The following XIRP2 variants were observed in gnomAD, a reference collection of about 807,000 sequenced individuals.
The protein encoded by XIRP2 is xin actin binding repeat containing 2.
Under a neutral mutation model 277.0 loss-of-function variants are expected in XIRP2, and 236 were observed. That is an observed-to-expected ratio of 0.85 (90% CI 0.77 to 0.95). The LOEUF is 0.95. Among genes scored for constraint, XIRP2 ranks in the 40% least tolerant of loss-of-function variants. The pLI is 0.00. For synonymous variants in XIRP2, 1,490 were observed against 1,416.5 expected (o/e 1.05, Z -1.17); for missense variants, 4,640 against 4,157.5 (o/e 1.12, Z -3.19).
chr2:167,194,502 T>C (rs181450739), intron 3 of XIRP2, among the ~76,000 whole-genome samples: 7 of 152,326 alleles, frequency 4.6e-5, no homozygotes, highest in Admixed American at 4.6e-4. Flanking sequence ...ACATCTGAAC[T>C]ATTTTCTGTA....
At chr2:167,023,854 T>C (rs1011887983) in intron 2 of XIRP2, among the ~76,000 whole-genome samples, 3 of 152,200 alleles carry the variant, frequency 2.0e-5, no homozygotes, top group Non-Finnish European at 2.9e-5. Flanking sequence ...TTTTGGTTAC[T>C]GTAGCCTTGT....
chr2:167,088,727 T>G (rs1389161816), intron 2 of XIRP2, among the ~76,000 whole-genome samples: 1 of 152,190 alleles, frequency 6.6e-6, no homozygotes, highest in African/African-American at 2.4e-5. Flanking sequence ...ACATGCTCCT[T>G]GCTTTCTCAA....
intron 2 of XIRP2, among the ~76,000 whole-genome samples, chr2:167,073,511 G>A (rs1689486759): frequency 6.6e-6 from 1 of 151,890 alleles, no homozygotes; most frequent in Admixed American, 6.6e-5. Context: ...CTTTACTTCA[G>A]CCTTTGTCTT....
chr2:167,045,840 C>T (rs1688773273), intron 2 of XIRP2, among the ~76,000 whole-genome samples: 1 of 152,024 alleles, frequency 6.6e-6, no homozygotes, highest in Admixed American at 6.6e-5. Flanking sequence ...TCTCAAAGAA[C>T]TTTAAACAGA....
rs1695431692 is a variant in XIRP2, at chr2:167,250,126, A to G, written c.8734A>G (p.Asn2912Asp). ...KGIQEKQVFS[N>D]TKDSKQEITQ... ...CATACAAGAGAAACAAGTCTTCTCT[A>G]ATACTAAAGATTCAAAGCAAGAGAT... Residue 2912 changes from asparagine (N) to aspartate (D), a missense_variant, in exon 9 of 11, where the codon AAT becomes GAT. Transcript: ENST00000409195. 4.3e-6 allele frequency: 7 copies of G among 1,613,304 alleles called. No homozygotes were observed. The highest frequency in any genetic ancestry group is 5.9e-6 in the Non-Finnish European group (7 of 1,179,636).
At position 167,246,176 on chromosome 2, in the gene XIRP2, T is replaced by C; in HGVS notation, c.4784T>C (p.Ile1595Thr). 1 of 1,612,300 alleles carries C rather than the reference T, an allele frequency of 6.2e-7. No homozygotes were observed. The highest frequency in any genetic ancestry group is 1.1e-5 in the South Asian group (1 of 90,636). Residue 1595 changes from isoleucine to threonine, a missense_variant, in exon 9 of 11, where the codon ATA becomes ACA. Ile to Thr is a moderately conservative substitution (Grantham distance 89). Transcript: ENST00000409195. ...CTAATGAACCAAGCATCTCCTGAGATACAGAAAGAAGAAATTATCAGGGCT... is the reference window on the plus strand; with the variant it reads ...CTAATGAACCAAGCATCTCCTGAGACACAGAAAGAAGAAATTATCAGGGCT... ...YKLMNQASPE[I>T]QKEEIIRADL... is the part of the protein sequence containing the mutation.
chr2:167,039,906 A>G (rs1368518133), intron 2 of XIRP2, among the ~76,000 whole-genome samples: 1 of 152,208 alleles, frequency 6.6e-6, no homozygotes, highest in African/African-American at 2.4e-5. Flanking sequence ...AATATGAATT[A>G]GAAACTAATG....
At chr2:166,942,345 G>C (rs192230183) in intron 2 of XIRP2, among the ~76,000 whole-genome samples, 7 of 152,256 alleles carry the variant, frequency 4.6e-5, no homozygotes, top group Non-Finnish European at 8.8e-5. Flanking sequence ...TCTTAATTTT[G>C]TGTAGCCCAC....
chr2:167,142,607 G>T (rs1691753483), intron 3 of XIRP2, among the ~76,000 whole-genome samples: 1 of 151,988 alleles, frequency 6.6e-6, no homozygotes, highest in Non-Finnish European at 1.5e-5. Flanking sequence ...CATGGGATTT[G>T]TGTTACCTAA....
At chr2:166,954,406 C>T (rs951584015) in intron 2 of XIRP2, among the ~76,000 whole-genome samples, 1 of 151,764 alleles carries the variant, frequency 6.6e-6, no homozygotes, top group Non-Finnish European at 1.5e-5. Flanking sequence ...ATTATTAAAA[C>T]GTCAAGAAAC....
At chr2:166,906,785 C>G (rs1017708634) in intron 2 of XIRP2, among the ~76,000 whole-genome samples, 3 of 152,016 alleles carry the variant, frequency 2.0e-5, no homozygotes, top group Non-Finnish European at 4.4e-5. Flanking sequence ...ATAGCAAAAC[C>G]CTGTCTCTAC....
chr2:166,996,759 GTTGAGCACCCCTT>G (rs1687232722), intron 2 of XIRP2, among the ~76,000 whole-genome samples: 3 of 152,062 alleles, frequency 2.0e-5, no homozygotes, highest in Non-Finnish European at 4.4e-5. Context: ...GCTGTGCTGG[GTTGAGCACCCCTT>G]CTTACGACCA....
intron 2 of XIRP2, among the ~76,000 whole-genome samples, chr2:166,962,689 C>G (rs913559239): frequency 6.6e-6 from 1 of 151,622 alleles, no homozygotes. Flanking sequence ...TGGAGATAAT[C>G]CAATGTCAGT....
In XIRP2 at chr2:167,210,716, A is replaced by C. The variant is rs961019524; in HGVS notation, c.563-19A>C. ...TAAAGCTTAACACACATGTGTAAGC[A>C]TGCTCTGTTTGCTTTCAGCGACTGC... On this transcript the variant is annotated intron_variant, in intron 3 of 10. Transcript: ENST00000409195. The C allele has an allele frequency of 6.2e-7, 1 of 1,613,946 alleles. No individual in the cohort carries two copies. The highest frequency in any genetic ancestry group is 1.1e-5 in the South Asian group (1 of 91,078).
At chr2:167,252,790 T>G (rs1695553155) in intron 9 of XIRP2, among the ~76,000 whole-genome samples, 1 of 151,932 alleles carries the variant, frequency 6.6e-6, no homozygotes, top group Non-Finnish European at 1.5e-5. Flanking sequence ...TTAGACAGAT[T>G]GAAAGAAATA....
chr2:167,258,678 A>G lies in XIRP2; in HGVS notation c.*861A>G, dbSNP rs200939244. On this transcript the variant is annotated 3_prime_UTR_variant, in exon 11 of 11. Coordinates refer to ENST00000409195, the MANE Select transcript of XIRP2 (RefSeq NM_152381.6). The stretch of plus-strand genomic sequence containing the variant: ...AATTTGAATAAGAATAATAATAACA[A>G]TTATGTAGCAGTCTCATATCTGAAT... The G allele has an allele frequency of 1.9e-6, 3 of 1,612,302 alleles. No individual in the cohort carries two copies. The East Asian group carries it at 6.7e-5, about 36-fold the overall frequency.
At chr2:167,101,769 A>G (rs1451572309) in intron 2 of XIRP2, among the ~76,000 whole-genome samples, 1 of 152,198 alleles carries the variant, frequency 6.6e-6, no homozygotes, top group African/African-American at 2.4e-5. Context: ...CTTTTAATTT[A>G]TATATTGTTT....
Position 167,035,153 on chromosome 2 carries a change from C to G in XIRP2, c.409-100756C>G, listed in dbSNP as rs116607778. 8.3e-3 allele frequency among the ~76,000 whole-genome samples: 1,265 copies of G among 152,244 alleles called. 19 individuals carry two copies. The highest frequency in any genetic ancestry group is 0.029 in the African/African-American group (1,194 of 41,536). ...GTCTCCAGTATGTCTTGATCAGCAG[C>G]ATGAACATGGATTAATACAGTAAAT... On this transcript the variant is annotated intron_variant, in intron 2 of 10. Coordinates refer to ENST00000409195, the MANE Select transcript of XIRP2 (RefSeq NM_152381.6).
At chr2:167,053,108 C>T (rs556544109) in intron 2 of XIRP2, among the ~76,000 whole-genome samples, 51 of 152,228 alleles carry the variant, frequency 3.4e-4, no homozygotes, top group African/African-American at 1.1e-3. Context: ...CTGTACCTCC[C>T]GTCTCCATCA....
Sources: allele counts gnomAD v4.1 joint callset (sites outside exome capture counted in the v4.1 genomes callset), GRCh38; gene constraint gnomAD v4.1.1; transcripts MANE v1.5; gene names NCBI Gene and HGNC (gene_info 2026-07-23, HGNC 2026-07-21).